Variants in FOXP1 observed in about 807,000 individuals in gnomAD.
The protein encoded by FOXP1 is forkhead box P1.
Under a neutral mutation model 98.2 loss-of-function variants are expected in FOXP1, and 15 were observed. The observed-to-expected ratio is 0.15, with a 90% CI of 0.10 to 0.24. FOXP1 has a LOEUF of 0.24. Ranked by LOEUF, FOXP1 falls within the 10% of genes least tolerant of loss-of-function variation. The pLI is 1.00. For missense variants in FOXP1, 633 were observed against 848.5 expected (o/e 0.75, Z 3.15); for synonymous variants, 371 against 314.5 (o/e 1.18, Z -1.90).
intron 4 of FOXP1, among the ~76,000 whole-genome samples, chr3:71,339,721 T>A (rs1193821185): frequency 3.9e-5 from 6 of 152,206 alleles, no homozygotes. Flanking sequence ...CAAGAATAGT[T>A]AGCTGACGGC....
intron 7 of FOXP1, 120 bp from the exon 8 acceptor site, chr3:71,053,893 G>T: frequency 9.9e-7 from 1 of 1,009,426 alleles, no homozygotes; most frequent in South Asian, 1.4e-5. Flanking sequence ...CATGCAACAT[G>T]TATTTATCCA....
rs563537587 is a variant in FOXP1 at position 71,539,835 on chromosome 3, GA to G, written c.-298+41713del. On this transcript the variant is annotated intron_variant, in intron 2 of 20. Transcript: ENST00000649528. Reference sequence around the variant, plus strand: ...AAGAAACAAGGACCAAAGCCTAACAGAAATCGAAGGTAAAACTAAAGCTGGA... The same window carrying G: ...AAGAAACAAGGACCAAAGCCTAACAGAATCGAAGGTAAAACTAAAGCTGGA... Among the ~76,000 whole-genome samples, 15 of 152,230 alleles carry G rather than the reference GA, an allele frequency of 9.9e-5. No individual in the cohort carries two copies. In the South Asian group the frequency reaches 3.1e-3, roughly 32 times the overall value.
intron 3 of FOXP1, among the ~76,000 whole-genome samples, chr3:71,443,615 A>T (rs1314936952): frequency 1.3e-5 from 2 of 152,180 alleles, no homozygotes; most frequent in Non-Finnish European, 2.9e-5. Flanking sequence ...CCCTCATGCC[A>T]GATTTTCTGA....
At chr3:71,323,717 C>G (rs553126863) in intron 4 of FOXP1, among the ~76,000 whole-genome samples, 1 of 152,304 alleles carries the variant, frequency 6.6e-6, no homozygotes, top group African/African-American at 2.4e-5. Flanking sequence ...ATAGTTTTCA[C>G]GAGTACTTAT....
chr3:71,529,085 A>G (rs1317572989), intron 2 of FOXP1, among the ~76,000 whole-genome samples: 2 of 152,246 alleles, frequency 1.3e-5, no homozygotes, highest in Non-Finnish European at 2.9e-5. Context: ...GAATAAAAAG[A>G]AAACCAAAAG....
chr3:71,469,489 T>C (rs1052642843), intron 3 of FOXP1, among the ~76,000 whole-genome samples: 4 of 152,222 alleles, frequency 2.6e-5, no homozygotes, highest in Admixed American at 2.6e-4. Context: ...AGTTGCAAAA[T>C]TGTTTCCATT....
At position 71,439,248 on chromosome 3, in the gene FOXP1, T is replaced by C. The variant is rs148464302; in HGVS notation, c.-168+54178A>G. Among the ~76,000 whole-genome samples, 3 of 152,298 alleles carry C rather than the reference T, an allele frequency of 2.0e-5. No homozygotes were observed. The East Asian group carries it at 5.8e-4, about 29-fold the overall frequency. On this transcript the variant is annotated intron_variant, in intron 3 of 20. Coordinates refer to ENST00000649528, the MANE Select transcript of FOXP1 (RefSeq NM_001349338.3). ...AGAGCTGCTCAGAACCCTGGGACCATGCATGCAAACGATTGCCTTTTCCTG... is the reference window on the plus strand; with the variant it reads ...AGAGCTGCTCAGAACCCTGGGACCACGCATGCAAACGATTGCCTTTTCCTG...
At chr3:71,047,252 C>T (rs540743149) in intron 9 of FOXP1, among the ~76,000 whole-genome samples, 157 bp from the exon 10 acceptor site, 1 of 152,284 alleles carries the variant, frequency 6.6e-6, no homozygotes, top group South Asian at 2.1e-4. Flanking sequence ...ACAAAGCATA[C>T]CTCCTCTGAG....
chr3:71,224,642 C>T (rs993169958), intron 5 of FOXP1, among the ~76,000 whole-genome samples: 3 of 152,132 alleles, frequency 2.0e-5, no homozygotes, highest in Non-Finnish European at 4.4e-5. Context: ...AGGGAGAGGG[C>T]CCAGCACCCA....
At chr3:71,027,006 T>C (rs2046215193) in intron 11 of FOXP1, among the ~76,000 whole-genome samples, 1 of 152,236 alleles carries the variant, frequency 6.6e-6, no homozygotes, top group South Asian at 2.1e-4. Context: ...TATTCTGAGT[T>C]TGTAACTAAA....
At chr3:71,499,148 AC>A (rs2041140432) in intron 2 of FOXP1, among the ~76,000 whole-genome samples, 1 of 152,178 alleles carries the variant, frequency 6.6e-6, no homozygotes, top group South Asian at 2.1e-4. Flanking sequence ...TCAGGACGCC[AC>A]AGAAGATGGG....
chr3:71,253,947 T>C (rs1398558737), intron 5 of FOXP1, among the ~76,000 whole-genome samples: 3 of 152,202 alleles, frequency 2.0e-5, no homozygotes, highest in African/African-American at 4.8e-5. Flanking sequence ...TTTTGCCTTA[T>C]AGTTCAAATT....
chr3:71,234,359 C>T (rs142546226), intron 5 of FOXP1, among the ~76,000 whole-genome samples: 25 of 152,270 alleles, frequency 1.6e-4, no homozygotes, highest in East Asian at 1.4e-3. Flanking sequence ...GGAGATCATC[C>T]GACAAAATGG....
intron 5 of FOXP1, chr3:71,245,208 C>T (rs2067636503): frequency 6.6e-6 from 1 of 152,194 alleles, no homozygotes; most frequent in South Asian, 2.1e-4. Flanking sequence ...GCCTCTCAAC[C>T]CCTGGCTTGG....
chr3:71,462,139 G>A (rs879448449), intron 3 of FOXP1, among the ~76,000 whole-genome samples: 3 of 152,212 alleles, frequency 2.0e-5, no homozygotes, highest in African/African-American at 2.4e-5. Flanking sequence ...AACACTTGCC[G>A]CATAAAATCA....
intron 3 of FOXP1, among the ~76,000 whole-genome samples, chr3:71,479,733 C>G (rs1467090328): frequency 6.7e-6 from 1 of 149,482 alleles, no homozygotes; most frequent in African/African-American, 2.5e-5. Context: ...AAGCAAAAGA[C>G]CATAAACTAC....
chr3:70,955,280 G>C lies in FOXP1; in HGVS notation c.*3967C>G. The C allele has an allele frequency of 4.3e-6, 1 of 232,934 alleles. No individual in the cohort carries two copies. Among genetic ancestry groups the C allele is most frequent in the Non-Finnish European group, 8.5e-6 (1 of 117,812 alleles). 14.4% of individuals were successfully genotyped at this position (232,934 alleles called of 1,614,324 possible). On this transcript the variant is annotated 3_prime_UTR_variant, in exon 21 of 21. Coordinates refer to ENST00000649528, the MANE Select transcript of FOXP1 (RefSeq NM_001349338.3). Reference sequence around the variant, plus strand: ...GCCTATCTTGGGTTAAGAATCCAAGGTTTTCTTTACTAGGTCTGACTGGAT... The same window carrying C: ...GCCTATCTTGGGTTAAGAATCCAAGCTTTTCTTTACTAGGTCTGACTGGAT...
chr3:71,083,979 A>T (rs2054739836), intron 7 of FOXP1, among the ~76,000 whole-genome samples: 1 of 152,104 alleles, frequency 6.6e-6, no homozygotes, highest in Non-Finnish European at 1.5e-5. Flanking sequence ...CCTGAGGGAA[A>T]CCCCAAATTA....
At chr3:71,233,053 G>A (rs539293497) in intron 5 of FOXP1, among the ~76,000 whole-genome samples, 1 of 151,858 alleles carries the variant, frequency 6.6e-6, no homozygotes, top group Non-Finnish European at 1.5e-5. Context: ...GCTGAGGCAG[G>A]AGGATCGTTT....
Sources: allele counts gnomAD v4.1 joint callset (sites outside exome capture counted in the v4.1 genomes callset), GRCh38; gene constraint gnomAD v4.1.1; transcripts MANE v1.5; gene names NCBI Gene and HGNC (gene_info 2026-07-23, HGNC 2026-07-21).